The following ST6GALNAC1 variants were observed in gnomAD, a reference collection of about 807,000 sequenced individuals.
The protein encoded by ST6GALNAC1 is alpha-N-acetylgalactosaminide alpha-2,6-sialyltransferase 1.
Under a neutral mutation model 56.8 loss-of-function variants are expected in ST6GALNAC1, and 45 were observed. The observed-to-expected ratio is 0.79, with a 90% CI of 0.62 to 1.02. The LOEUF is 1.02. Among genes scored for constraint, ST6GALNAC1 ranks in the 50% least tolerant of loss-of-function variants. The probability of loss-of-function intolerance (pLI) is 0.00; values close to 1 mark genes in which losing one functional copy is unlikely to be tolerated. For missense variants in ST6GALNAC1, 743 were observed against 754.8 expected, an observed-to-expected ratio of 0.98 and a Z score of 0.18; for synonymous variants, 295 against 297.8, an observed-to-expected ratio of 0.99 and a Z score of 0.10.
downstream of ST6GALNAC1, among the ~76,000 whole-genome samples, chr17:76,622,963 T>G (rs1466337410): frequency 6.6e-6 from 1 of 152,172 alleles, no homozygotes; most frequent in East Asian, 1.9e-4. Context: ...CTGGCTAATT[T>G]TTTGTATTTT....
Position 76,626,411 on chromosome 17 carries a change from G to T in ST6GALNAC1, c.1312-19C>A. 6.2e-7 allele frequency: 1 copy of T among 1,611,320 alleles called. No individual in the cohort carries two copies. Among genetic ancestry groups the T allele is most frequent in the South Asian group, 1.1e-5 (1 of 90,996 alleles). On this transcript the variant is annotated intron_variant, in intron 5 of 8. Transcript: ENST00000156626. ...GGACGTCCTGAGGACCAAGGACAGG[G>T]AGTGGTCCAAAAGTACTGCCTTCAG...
chr17:76,636,734 G>C (rs141979956), intron 1 of ST6GALNAC1, among the ~76,000 whole-genome samples: 12 of 152,094 alleles, frequency 7.9e-5, no homozygotes, highest in African/African-American at 2.7e-4. Flanking sequence ...GAAGTGAGGA[G>C]CCCCTCTGCC....
intron 1 of ST6GALNAC1, among the ~76,000 whole-genome samples, chr17:76,636,541 C>A (rs2075975191): frequency 6.6e-6 from 1 of 152,174 alleles, no homozygotes; most frequent in South Asian, 2.1e-4. Context: ...TCAGAAAAGT[C>A]TCACACGGAG....
chr17:76,640,934 A>G (rs989185648), intron 1 of ST6GALNAC1, among the ~76,000 whole-genome samples: 11 of 152,196 alleles, frequency 7.2e-5, no homozygotes, highest in Non-Finnish European at 1.5e-4. Flanking sequence ...AAAAAACCCA[A>G]TTCCCTCTAA....
Position 76,625,226 on chromosome 17 carries a change from T to G in ST6GALNAC1, c.*104A>C. ...GTTCCCTTGGAACTCCTGAAGGGCT[T>G]GGAGCTTAGTCTGAGCCATGGGAAA... On this transcript the variant is annotated 3_prime_UTR_variant, in exon 9 of 9. Transcript: ENST00000156626. 4.0e-6 allele frequency: 5 copies of G among 1,252,658 alleles called. No individual in the cohort carries two copies. Among genetic ancestry groups the G allele is most frequent in the Non-Finnish European group, 5.6e-6 (5 of 898,754 alleles). The allele number at this position is 1,252,658 out of a possible 1,614,324, so 77.6% of individuals were successfully genotyped here. A position where few individuals can be genotyped will look rare whatever the true frequency, so the allele number is the denominator to read the frequency against.
intron 1 of ST6GALNAC1, among the ~76,000 whole-genome samples, chr17:76,630,730 G>A (rs1280223632): frequency 2.7e-5 from 4 of 149,792 alleles, no homozygotes; most frequent in Admixed American, 6.7e-5. Flanking sequence ...GGATTACAGC[G>A]CATGCCACCA....
At position 76,627,068 on chromosome 17, in the gene ST6GALNAC1, G is replaced by C. The variant is rs540917837; in HGVS notation, c.1171C>G (p.Arg391Gly). ...QEIDSHDYVF[R>G]LSGALIKGYE... ...GGAGCTTGGGTGGGGACAGCTTACC[G>C]GAACACGTAGTCGTGACTGTCTATC... The change falls in exon 4 of 9, where the codon CGA (arginine) becomes GGA (glycine). Residue 391 changes from arginine (R) to glycine (G), a missense_variant and splice_region_variant. Arg to Gly is a moderately radical substitution (Grantham distance 125). Coordinates refer to ENST00000156626, the MANE Select transcript of ST6GALNAC1 (RefSeq NM_018414.5). The surrounding 1 kb of genome is among the most constrained non-coding windows in gnomAD (Gnocchi z 4.4). 3.2e-6 allele frequency: 5 copies of C among 1,543,032 alleles called. No individual in the cohort carries two copies. Among genetic ancestry groups the C allele is most frequent in the Non-Finnish European group, 4.4e-6 (5 of 1,146,072 alleles).
chr17:76,637,399 T>G (rs2075992404), intron 1 of ST6GALNAC1: 3 of 260,472 alleles, frequency 1.2e-5, no homozygotes, highest in Admixed American at 5.5e-5. Flanking sequence ...GGGTCCCTCA[T>G]GTTGTCCTTT....
chr17:76,624,464 G>T (rs1476057787), downstream of ST6GALNAC1, among the ~76,000 whole-genome samples: 3 of 152,054 alleles, frequency 2.0e-5, no homozygotes, highest in African/African-American at 4.8e-5. Context: ...TGGCCAGGCT[G>T]GTCTAGATCT....
Position 76,625,812 on chromosome 17 carries a change from GC to G in ST6GALNAC1, c.1605+6del. 6.5e-7 allele frequency: 1 copy of G among 1,528,712 alleles called. No individual in the cohort carries two copies. The highest frequency in any genetic ancestry group is 1.3e-5 in the South Asian group (1 of 75,910). 94.7% of individuals were successfully genotyped at this position (1,528,712 alleles called of 1,614,324 possible). On this transcript the variant is annotated splice_donor_region_variant and intron_variant, in intron 8 of 8. Coordinates refer to ENST00000156626, the MANE Select transcript of ST6GALNAC1 (RefSeq NM_018414.5). ...CAGGTATTTCTGCAGCTGCAGTGGA[GC>G]CTTACCTGGTCACAGAGCTGAAGGG... is the stretch of plus-strand genomic sequence containing the variant.
At position 76,630,256 on chromosome 17, in the gene ST6GALNAC1, C is replaced by T. The variant is rs186638544; in HGVS notation, c.132-545G>A. Among the ~76,000 whole-genome samples, 19 of 152,272 alleles carry T rather than the reference C, an allele frequency of 1.2e-4. No individual in the cohort carries two copies. The South Asian group carries it at 3.7e-3, about 30-fold the overall frequency. ...ACACAGACCTTGGACCTATGTGATACACGATTATTGTTATTCGAGGCAGGA... is the reference window on the plus strand; with the variant it reads ...ACACAGACCTTGGACCTATGTGATATACGATTATTGTTATTCGAGGCAGGA... On this transcript the variant is annotated intron_variant, in intron 1 of 8. Transcript: ENST00000156626.
At chr17:76,620,911 A>G (rs1361177859), downstream of ST6GALNAC1, among the ~76,000 whole-genome samples, 2 of 151,922 alleles carry the variant, frequency 1.3e-5, no homozygotes, top group Non-Finnish European at 2.9e-5. Context: ...TTCTTATTCT[A>G]TCTTGTACAA....
intron 1 of ST6GALNAC1, among the ~76,000 whole-genome samples, chr17:76,633,185 G>A (rs2075931344): frequency 6.6e-6 from 1 of 152,042 alleles, no homozygotes; most frequent in Non-Finnish European, 1.5e-5. Flanking sequence ...CTCCAGCCTG[G>A]GTGACAGAGC....
intron 1 of ST6GALNAC1, among the ~76,000 whole-genome samples, chr17:76,636,275 G>T (rs1428192629): frequency 6.6e-6 from 1 of 152,096 alleles, no homozygotes; most frequent in Non-Finnish European, 1.5e-5. Context: ...TTAAGATTTG[G>T]TTTCATGTTC....
intron 1 of ST6GALNAC1, among the ~76,000 whole-genome samples, chr17:76,641,402 C>T (rs2076046193): frequency 6.6e-6 from 1 of 151,622 alleles, no homozygotes; most frequent in South Asian, 2.1e-4. Context: ...GTTAATATCC[C>T]TAATATACAA....
In ST6GALNAC1 at chr17:76,629,055, T is replaced by A. The variant is rs769373658; in HGVS notation, c.788A>T (p.Asp263Val). 63 of 1,551,662 alleles carry A rather than the reference T, an allele frequency of 4.1e-5. No homozygotes were observed. The Admixed American group carries it at 1.3e-3, about 32-fold the overall frequency. ...TTCGAAGCTGTATTTTTCCTCAAAA[T>A]CCCACCGAGGCTCAGATTTGAAGTT... ...AANFKSEPRW[D>V]FEEKYSFEIG... is the part of the protein sequence containing the mutation. Residue 263 changes from aspartate (D) to valine (V), a missense_variant, in exon 2 of 9, where the codon GAT (aspartate) becomes GTT (valine). Physicochemically the swap from Asp to Val is radical, Grantham distance 152 (BLOSUM62 -3). Coordinates refer to ENST00000156626, the MANE Select transcript of ST6GALNAC1 (RefSeq NM_018414.5).
chr17:76,639,078 C>T lies in ST6GALNAC1; in HGVS notation c.131+4430G>A, dbSNP rs183120860. Among the ~76,000 whole-genome samples, 433 of 152,318 alleles carry T rather than the reference C, an allele frequency of 2.8e-3. 10 individuals are homozygous for T. The highest frequency in any genetic ancestry group is 0.026 in the Admixed American group (398 of 15,296). On this transcript the variant is annotated intron_variant, in intron 1 of 8. Coordinates refer to ENST00000156626, the MANE Select transcript of ST6GALNAC1 (RefSeq NM_018414.5). ...AACCACGTTCCCCCGATCATCCATC[C>T]TGTAATCTATTGACAGAGTACTCTG...
intron 1 of ST6GALNAC1, 102 bp downstream of exon 1, chr17:76,643,406 G>T (rs2143504286): frequency 2.3e-6 from 3 of 1,291,692 alleles, no homozygotes; most frequent in African/African-American, 1.5e-5. Context: ...CTCCCATGTG[G>T]ACACACAGGT....
chr17:76,643,669 T>C lies in ST6GALNAC1; in HGVS notation c.-31A>G. On this transcript the variant is annotated 5_prime_UTR_variant, in exon 1 of 9. Transcript: ENST00000156626. ...TGGGTCGGGTTCTAGAGGAAGGTTC[T>C]GCATGTCCTGGGGCCTTGATGTAGG... 6.2e-7 allele frequency: 1 copy of C among 1,610,960 alleles called. No individual in the cohort carries two copies. The highest frequency in any genetic ancestry group is 8.5e-7 in the Non-Finnish European group (1 of 1,178,428).
Sources: gnomAD v4.1 joint callset for allele counts (sites outside exome capture counted in the v4.1 genomes callset) on GRCh38, gnomAD v4.1.1 for gene constraint, Gnocchi (gnomAD v3.1) non-coding constraint, MANE v1.5 for transcripts, NCBI Gene and HGNC (gene_info 2026-07-23, HGNC 2026-07-21) for gene names.